FER: variants seen among roughly 807,000 people sequenced by gnomAD.
The protein encoded by FER is tyrosine-protein kinase Fer.
In FER, 63 loss-of-function variants were observed where a neutral mutation model predicts 111.0. The ratio of observed to expected loss-of-function variants is 0.57; its 90% CI spans 0.46 to 0.70. The LOEUF is 0.70. FER is among the 30% of genes least tolerant of loss of function. The pLI is 0.00. For missense variants in FER, 914 were observed against 954.0 expected, an observed-to-expected ratio of 0.96 and a Z score of 0.55; for synonymous variants, 327 against 313.9, an observed-to-expected ratio of 1.04 and a Z score of -0.44.
intron 3 of FER, among the ~76,000 whole-genome samples, chr5:108,801,822 A>T (rs752262637): frequency 2.6e-4 from 40 of 152,180 alleles, no homozygotes; most frequent in Non-Finnish European, 4.9e-4. Context: ...AATTACCGGC[A>T]TCACTATCCT....
At chr5:108,833,392 A>G (rs1174320968) in intron 4 of FER, among the ~76,000 whole-genome samples, 1 of 152,122 alleles carries the variant, frequency 6.6e-6, no homozygotes, top group Non-Finnish European at 1.5e-5. Flanking sequence ...TTTTTATTAT[A>G]GAAATTTGTA....
chr5:108,925,520 A>T (rs931073784), intron 10 of FER, among the ~76,000 whole-genome samples: 1 of 152,086 alleles, frequency 6.6e-6, no homozygotes, highest in Non-Finnish European at 1.5e-5. Flanking sequence ...AATTATATTT[A>T]TATGTCATTT....
chr5:108,866,051 A>G lies in FER; in HGVS notation c.482-1716A>G, dbSNP rs527297942. Among the ~76,000 whole-genome samples, 12 of 152,344 alleles carry G rather than the reference A, an allele frequency of 7.9e-5. No homozygotes were observed. The East Asian group carries it at 2.3e-3, about 29-fold the overall frequency. ...GGTGATTCTTCAGGGATCTGGAACT[A>G]GAAGTACCATTTGACCCAGCCATCC... is the stretch of plus-strand genomic sequence containing the variant. On this transcript the variant is annotated intron_variant, in intron 5 of 19. Coordinates refer to ENST00000281092, the MANE Select transcript of FER (RefSeq NM_005246.4).
chr5:109,029,220 C>CTTTTTTTT (rs558664340), intron 13 of FER, among the ~76,000 whole-genome samples: 2 of 109,940 alleles, frequency 1.8e-5, no homozygotes, highest in East Asian at 2.7e-4. Flanking sequence ...TTTAGGCTTT[C>CTTTTTTTT]TTTTTTTTTT....
At chr5:109,004,883 TA>T in intron 13 of FER, among the ~76,000 whole-genome samples, 1 of 152,160 alleles carries the variant, frequency 6.6e-6, no homozygotes, top group Middle Eastern at 3.2e-3. Context: ...ATAAGTATCA[TA>T]TTACCAAATG....
intron 10 of FER, among the ~76,000 whole-genome samples, chr5:108,906,688 T>G (rs1444126421): frequency 1.3e-5 from 2 of 152,006 alleles, no homozygotes; most frequent in African/African-American, 4.8e-5. Flanking sequence ...AATGTTACTT[T>G]TATAGTTTAA....
intron 8 of FER, among the ~76,000 whole-genome samples, chr5:108,883,143 C>T (rs1342501322): frequency 6.6e-6 from 1 of 151,910 alleles, no homozygotes; most frequent in Non-Finnish European, 1.5e-5. Flanking sequence ...ACCAGTATTG[C>T]CCGAGTACTT....
rs1006673708 is a variant in FER at position 109,112,668 on chromosome 5, C to T, written c.2048+12149C>T. 3.3e-5 allele frequency among the ~76,000 whole-genome samples: 5 copies of T among 152,188 alleles called. No individual in the cohort carries two copies. In the South Asian group the frequency reaches 6.2e-4, roughly 19 times the overall value. On this transcript the variant is annotated intron_variant, in intron 17 of 19. Coordinates refer to ENST00000281092, the MANE Select transcript of FER (RefSeq NM_005246.4). ...TAAGAAAGTTTTAGCTGGTGTGTTT[C>T]GACCTTAGTTTTCTTGTCTTTATGA...
chr5:108,849,930 G>A (rs954793437), intron 5 of FER, among the ~76,000 whole-genome samples: 52 of 152,222 alleles, frequency 3.4e-4, no homozygotes, highest in African/African-American at 1.2e-3. Context: ...GGTGGCTCAC[G>A]CCTGTAATCC....
chr5:108,880,799 A>G (rs1765601258), intron 8 of FER, among the ~76,000 whole-genome samples: 1 of 152,098 alleles, frequency 6.6e-6, no homozygotes, highest in African/African-American at 2.4e-5. Context: ...TATTATAAGT[A>G]TTATTGCTTT....
intron 13 of FER, among the ~76,000 whole-genome samples, chr5:109,020,893 C>T (rs964461347): frequency 6.6e-6 from 1 of 151,800 alleles, no homozygotes; most frequent in African/African-American, 2.4e-5. Context: ...CTAAATGGTC[C>T]TGTTTGATTT....
At chr5:109,003,150 A>G (rs1765026466) in intron 13 of FER, among the ~76,000 whole-genome samples, 1 of 152,218 alleles carries the variant, frequency 6.6e-6, no homozygotes, top group African/African-American at 2.4e-5. Flanking sequence ...TCATGCTGCT[A>G]TAAAGACACA....
At chr5:109,181,182 T>G (rs1296330017) in intron 18 of FER, among the ~76,000 whole-genome samples, 3 of 152,192 alleles carry the variant, frequency 2.0e-5, no homozygotes, top group African/African-American at 7.2e-5. Flanking sequence ...TGTAATAGAT[T>G]ATACAGAGTA....
chr5:109,084,233 T>C (rs1401433634), intron 16 of FER, among the ~76,000 whole-genome samples: 1 of 152,048 alleles, frequency 6.6e-6, no homozygotes, highest in Non-Finnish European at 1.5e-5. Flanking sequence ...TTTTGAACTT[T>C]ATGTGAATGA....
intron 10 of FER, among the ~76,000 whole-genome samples, chr5:108,945,462 A>G (rs1158429868): frequency 1.3e-5 from 2 of 152,054 alleles, no homozygotes; most frequent in Admixed American, 6.6e-5. Flanking sequence ...TCATTATGGT[A>G]TATGATATTC....
chr5:108,855,563 G>A (rs1762922333), intron 5 of FER, among the ~76,000 whole-genome samples: 1 of 148,176 alleles, frequency 6.7e-6, no homozygotes, highest in African/African-American at 2.5e-5. Flanking sequence ...GGAACTTGCA[G>A]TGAGCCAAGA....
chr5:109,079,232 T>C (rs1388615636), intron 16 of FER, among the ~76,000 whole-genome samples: 1 of 152,134 alleles, frequency 6.6e-6, no homozygotes, highest in Non-Finnish European at 1.5e-5. Flanking sequence ...GCTGTGATTA[T>C]GGAAATGTCC....
rs572267437 is a variant in FER, at chr5:109,075,746, C to T, written c.1925-24650C>T. Reference sequence around the variant, plus strand: ...CCCGCTTAGCATTTTTAATATGTACCTGTCTACCACTTAAAAACATACCGA... The same window carrying T: ...CCCGCTTAGCATTTTTAATATGTACTTGTCTACCACTTAAAAACATACCGA... On this transcript the variant is annotated intron_variant, in intron 16 of 19. Coordinates refer to ENST00000281092, the MANE Select transcript of FER (RefSeq NM_005246.4). 9.3e-4 allele frequency among the ~76,000 whole-genome samples: 142 copies of T among 152,142 alleles called. 3 individuals are homozygous for T. Among genetic ancestry groups the T allele is most frequent in the Non-Finnish European group, 1.6e-3 (112 of 67,984 alleles).
chr5:108,851,059 G>A lies in FER; in HGVS notation c.481+15252G>A, dbSNP rs186201224. Among the ~76,000 whole-genome samples, 3 of 152,220 alleles carry A rather than the reference G, an allele frequency of 2.0e-5. No individual in the cohort carries two copies. In the East Asian group the frequency reaches 5.8e-4, roughly 29 times the overall value. On this transcript the variant is annotated intron_variant, in intron 5 of 19. Transcript: ENST00000281092. ...CTAATTTGTTCTGAGAGTTATATGAGTTTATTTATTCCCAGATATTTTGGG... is the reference window on the plus strand; with the variant it reads ...CTAATTTGTTCTGAGAGTTATATGAATTTATTTATTCCCAGATATTTTGGG...
Sources: allele counts gnomAD v4.1 joint callset (sites outside exome capture counted in the v4.1 genomes callset), GRCh38; gene constraint gnomAD v4.1.1; transcripts MANE v1.5; gene names NCBI Gene and HGNC (gene_info 2026-07-23, HGNC 2026-07-21).